The following GRID1 variants were observed in gnomAD, a reference collection of about 807,000 sequenced individuals.
The protein encoded by GRID1 is glutamate ionotropic receptor delta type subunit 1, also known as glutamate receptor ionotropic, delta-1.
Under a neutral mutation model 98.0 loss-of-function variants are expected in GRID1, and 28 were observed. The observed-to-expected ratio is 0.29, with a 90% CI of 0.21 to 0.39. GRID1 has a LOEUF of 0.39. GRID1 is among the 10% of genes least tolerant of loss of function. The pLI is 1.00. For synonymous variants in GRID1, 553 were observed against 538.5 expected, an observed-to-expected ratio of 1.03 and a Z score of -0.37; for missense variants, 1,111 against 1,340.5, an observed-to-expected ratio of 0.83 and a Z score of 2.67.
chr10:85,703,733 A>T (rs534707462), intron 12 of GRID1, among the ~76,000 whole-genome samples: 5 of 152,284 alleles, frequency 3.3e-5, no homozygotes, highest in South Asian at 2.1e-4. Flanking sequence ...GCTAAACACC[A>T]TAAAAAATTT....
intron 8 of GRID1, among the ~76,000 whole-genome samples, chr10:85,801,515 C>T (rs1842576545): frequency 1.3e-5 from 2 of 151,442 alleles, no homozygotes; most frequent in African/African-American, 4.8e-5. Context: ...CTAAATACAA[C>T]AGAATTTATG....
At chr10:85,627,810 T>C (rs2132531158) in intron 13 of GRID1, among the ~76,000 whole-genome samples, 1 of 152,314 alleles carries the variant, frequency 6.6e-6, no homozygotes, top group Middle Eastern at 3.4e-3. Flanking sequence ...TGGTACAGCA[T>C]GAGGGCTCAA....
In GRID1 at chr10:86,106,588, C is replaced by T. The variant is rs574353321; in HGVS notation, c.726+32231G>A. On this transcript the variant is annotated intron_variant, in intron 4 of 15. Coordinates refer to ENST00000327946, the MANE Select transcript of GRID1 (RefSeq NM_017551.3). ...TAGAGGGAGGAGCCTGCTTCAGGTG[C>T]GGGGATGGGAGGAGGGAGCCTTGAG... Among the ~76,000 whole-genome samples the T allele has an allele frequency of 9.3e-5, 14 of 151,300 alleles. 1 individual carries two copies. Among genetic ancestry groups the T allele is most frequent in the African/African-American group, 1.2e-4 (5 of 41,162 alleles).
At chr10:85,721,607 C>A (rs1841703253) in intron 12 of GRID1, among the ~76,000 whole-genome samples, 1 of 152,138 alleles carries the variant, frequency 6.6e-6, no homozygotes, top group Admixed American at 6.5e-5. Flanking sequence ...AGCCAAAAGG[C>A]ATTATTCCAT....
At chr10:86,337,103 G>A (rs1896521) in intron 2 of GRID1, among the ~76,000 whole-genome samples, 42,833 of 151,568 alleles carry the variant, frequency 0.28, 7,073 homozygotes, top group South Asian at 0.47. Context: ...CGCCCGTCTC[G>A]GCCTCCCAAA....
intron 8 of GRID1, among the ~76,000 whole-genome samples, chr10:85,735,592 C>T (rs1300254473): frequency 1.3e-5 from 2 of 152,110 alleles, no homozygotes; most frequent in Non-Finnish European, 2.9e-5. Flanking sequence ...GTTATTAACC[C>T]TAAATGGGAC....
In GRID1 at chr10:86,103,116, T is replaced by C. The variant is rs190469219; in HGVS notation, c.726+35703A>G. On this transcript the variant is annotated intron_variant, in intron 4 of 15. Transcript: ENST00000327946. The stretch of plus-strand genomic sequence containing the variant: ...TTACCCAGTCTCAGGTATTTCTTCA[T>C]AGCAGTATGAAATGGGCTAATACAG... Among the ~76,000 whole-genome samples, 369 of 152,278 alleles carry C rather than the reference T, an allele frequency of 2.4e-3. 4 individuals are homozygous for C. The highest frequency in any genetic ancestry group is 8.4e-3 in the African/African-American group (349 of 41,544).
In GRID1 at chr10:85,962,218, C is replaced by T. The variant is rs1026823624; in HGVS notation, c.727-45979G>A. On this transcript the variant is annotated intron_variant, in intron 4 of 15. Transcript: ENST00000327946. ...GGGGTCTGCCACCCTTCCCTTCCCT[C>T]CTTCCCTTCCCGGCATTCCTTTCCA... is the stretch of plus-strand genomic sequence containing the variant. 3.9e-5 allele frequency among the ~76,000 whole-genome samples: 6 copies of T among 152,196 alleles called. No individual in the cohort carries two copies. In the East Asian group the frequency reaches 5.8e-4, roughly 15 times the overall value.
At chr10:85,608,468 G>C (rs936820114) in intron 15 of GRID1, among the ~76,000 whole-genome samples, 1 of 152,134 alleles carries the variant, frequency 6.6e-6, no homozygotes, top group Non-Finnish European at 1.5e-5. Context: ...TCTTCTTTAC[G>C]GGAGTCTTGA....
chr10:85,767,268 C>T (rs1217788168), intron 8 of GRID1, among the ~76,000 whole-genome samples: 1 of 152,176 alleles, frequency 6.6e-6, no homozygotes, highest in East Asian at 1.9e-4. Context: ...ATAAGTTACA[C>T]TTCTATGAGC....
chr10:85,949,106 C>T (rs902719126), intron 4 of GRID1, among the ~76,000 whole-genome samples: 7 of 152,096 alleles, frequency 4.6e-5, no homozygotes, highest in African/African-American at 1.7e-4. Context: ...CAGGAGGGTA[C>T]TCTGACAGGT....
At chr10:85,780,333 C>T (rs1842370095) in intron 8 of GRID1, among the ~76,000 whole-genome samples, 1 of 152,154 alleles carries the variant, frequency 6.6e-6, no homozygotes, top group Admixed American at 6.5e-5. Flanking sequence ...ACCACATCCC[C>T]CACAGATTTA....
chr10:86,006,978 T>A (rs1445252578), intron 4 of GRID1, among the ~76,000 whole-genome samples: 1 of 152,038 alleles, frequency 6.6e-6, no homozygotes, highest in African/African-American at 2.4e-5. Flanking sequence ...CCAGCAGCTC[T>A]GGAGCAATCC....
intron 3 of GRID1, among the ~76,000 whole-genome samples, chr10:86,152,656 C>T (rs1845185684): frequency 6.6e-6 from 1 of 152,230 alleles, no homozygotes; most frequent in African/African-American, 2.4e-5. Context: ...TCTTAAGCTC[C>T]CTGAGCCTCA....
At position 85,599,802 on chromosome 10, in the gene GRID1, A is replaced by AAAAATATATATATAT; in HGVS notation, c.*2470_*2471insATATATATATATTTT. 2.0e-3 allele frequency: 130 copies of AAAAATATATATATAT among 64,932 alleles called. 4 individuals carry two copies. The highest frequency in any genetic ancestry group is 7.1e-3 in the African/African-American group (76 of 10,710). 4.0% of individuals were successfully genotyped at this position (64,932 alleles called of 1,614,324 possible). A position where few individuals can be genotyped will look rare whatever the true frequency, so the allele number is the denominator to read the frequency against. On this transcript the variant is annotated 3_prime_UTR_variant, in exon 16 of 16. Coordinates refer to ENST00000327946, the MANE Select transcript of GRID1 (RefSeq NM_017551.3). Reference sequence around the variant, plus strand: ...GTAGAAAATTCTAAAAAAAAAAAAAAATATATATATATATATATAAACATG... The same window carrying AAAAATATATATATAT: ...GTAGAAAATTCTAAAAAAAAAAAAAAAAAATATATATATATATATATATATATATATATAAACATG...
At chr10:85,739,836 A>T (rs1451811872) in intron 8 of GRID1, among the ~76,000 whole-genome samples, 1 of 152,210 alleles carries the variant, frequency 6.6e-6, no homozygotes, top group Non-Finnish European at 1.5e-5. Context: ...CCAACTTTTT[A>T]AAAGCTTATT....
At chr10:85,822,138 A>T (rs1469938902) in intron 8 of GRID1, among the ~76,000 whole-genome samples, 39 of 150,364 alleles carry the variant, frequency 2.6e-4, no homozygotes, top group East Asian at 5.9e-4. Flanking sequence ...CAAGGACTTC[A>T]TGTCTAAAAC....
Position 85,673,960 on chromosome 10 carries a change from G to A in GRID1, c.1998-26563C>T, listed in dbSNP as rs529473218. ...TTTATTGCAATATTCACTTTATTAA[G>A]ATGATCTGGACTTGAGCAAATTCCT... On this transcript the variant is annotated intron_variant, in intron 12 of 15. Transcript: ENST00000327946. 2.0e-5 allele frequency among the ~76,000 whole-genome samples: 3 copies of A among 152,164 alleles called. No individual in the cohort carries two copies. In the South Asian group the frequency reaches 6.2e-4, roughly 32 times the overall value.
At chr10:85,858,169 TG>T (rs1385878919) in intron 6 of GRID1, among the ~76,000 whole-genome samples, 4 of 152,244 alleles carry the variant, frequency 2.6e-5, no homozygotes, top group African/African-American at 9.6e-5. Context: ...CCCCCAGCTC[TG>T]ACCATTGTGG....
Sources: allele counts gnomAD v4.1 joint callset (sites outside exome capture counted in the v4.1 genomes callset), GRCh38; gene constraint gnomAD v4.1.1; transcripts MANE v1.5; gene names NCBI Gene and HGNC (gene_info 2026-07-23, HGNC 2026-07-21).